Variants in ACACA observed in about 807,000 individuals in gnomAD.
ACACA encodes the protein acetyl-CoA carboxylase alpha.
Under a neutral mutation model 296.1 loss-of-function variants are expected in ACACA, and 103 were observed. The observed-to-expected ratio is 0.35, with a 90% CI of 0.30 to 0.41. ACACA has a LOEUF of 0.41. ACACA is among the 10% of genes least tolerant of loss of function. The pLI, the probability that ACACA is intolerant of heterozygous loss-of-function variation, is 1.00. For synonymous variants in ACACA, 953 were observed against 1,038.6 expected (o/e 0.92, Z 1.58); for missense variants, 1,554 against 2,989.7 (o/e 0.52, Z 11.20).
intron 1 of ACACA, chr17:37,388,905 T>G: frequency 1.4e-6 from 2 of 1,379,502 alleles, no homozygotes; most frequent in East Asian, 2.4e-5. Context: ...TTTGAGGAGA[T>G]GTGCCACTCA....
chr17:37,212,261 T>C (rs1251399826), intron 29 of ACACA, among the ~76,000 whole-genome samples: 1 of 152,184 alleles, frequency 6.6e-6, no homozygotes, highest in Non-Finnish European at 1.5e-5. Flanking sequence ...TCTAATCCCT[T>C]TGGGAGTCTT....
rs913044175 is a variant in ACACA at position 37,299,786 on chromosome 17, A to C, written c.339-14816T>G. 1.3e-5 allele frequency: 13 copies of C among 996,764 alleles called. No homozygotes were observed. In the East Asian group the frequency reaches 3.2e-4, roughly 24 times the overall value. 61.7% of individuals were successfully genotyped at this position (996,764 alleles called of 1,614,324 possible). ...GGCTGCCAGGAGCACATGACAGGGA[A>C]AGCCCAGGACAAAAAGACCAAATTT... On this transcript the variant is annotated intron_variant, in intron 3 of 55. Coordinates refer to ENST00000616317, the MANE Select transcript of ACACA (RefSeq NM_198834.3).
chr17:37,239,465 T>G (rs1237504309), intron 24 of ACACA, among the ~76,000 whole-genome samples: 2 of 152,198 alleles, frequency 1.3e-5, no homozygotes, highest in Non-Finnish European at 2.9e-5. Flanking sequence ...AGATAATGTT[T>G]TCAACGTTTT....
rs1323019427 is a variant in ACACA at position 37,322,780 on chromosome 17, A to T, written c.338+7393T>A. On this transcript the variant is annotated intron_variant, in intron 3 of 55. Coordinates refer to ENST00000616317, the MANE Select transcript of ACACA (RefSeq NM_198834.3). ...ACGTCTGGACACCGAGGGGAATTCA[A>T]CTCGGGGCCGTCAGAGAAGAGTCCG... 3.9e-5 allele frequency among the ~76,000 whole-genome samples: 6 copies of T among 152,092 alleles called. No homozygotes were observed. The South Asian group carries it at 6.2e-4, about 16-fold the overall frequency.
chr17:37,155,679 C>T lies in ACACA; in HGVS notation c.5447+4G>A. ...CCAAATTATTCCAATACATATATACCTACCTGGATTCTCCTTCATCTTCCA... is the reference window on the plus strand; with the variant it reads ...CCAAATTATTCCAATACATATATACTTACCTGGATTCTCCTTCATCTTCCA... On this transcript the variant is annotated splice_donor_region_variant and intron_variant, in intron 43 of 55. Transcript: ENST00000616317. 6.3e-7 allele frequency: 1 copy of T among 1,587,770 alleles called. No individual in the cohort carries two copies. Among genetic ancestry groups the T allele is most frequent in the South Asian group, 1.1e-5 (1 of 90,568 alleles).
In ACACA at chr17:37,301,746, C is replaced by A. The variant is rs762630411; in HGVS notation, c.339-16776G>T. On this transcript the variant is annotated intron_variant, in intron 3 of 55. Coordinates refer to ENST00000616317, the MANE Select transcript of ACACA (RefSeq NM_198834.3). ...TTTTGAAATCAGGTAGTATGAAGAC[C>A]TCCAACTTCACATTCCCTTTTCAAA... 4.9e-4 allele frequency among the ~76,000 whole-genome samples: 74 copies of A among 152,146 alleles called. 1 individual carries two copies. The highest frequency in any genetic ancestry group is 1.8e-4 in the Non-Finnish European group (12 of 68,038).
chr17:37,123,382 C>T (rs973455747), intron 48 of ACACA, among the ~76,000 whole-genome samples: 3 of 152,144 alleles, frequency 2.0e-5, no homozygotes, highest in Admixed American at 6.5e-5. Context: ...AGCCTCTGCA[C>T]CTTATACTCC....
At chr17:37,256,890 A>G (rs2081253176) in intron 14 of ACACA, among the ~76,000 whole-genome samples, 1 of 152,178 alleles carries the variant, frequency 6.6e-6, no homozygotes, top group South Asian at 2.1e-4. Flanking sequence ...TACTCCATGT[A>G]CAGTACAAAG....
intron 8 of ACACA, chr17:37,274,515 G>C (rs1242615588): frequency 1.3e-6 from 1 of 766,700 alleles, no homozygotes; most frequent in East Asian, 1.3e-4. Context: ...GCAAAAGCCA[G>C]CCGAACTAAC....
In ACACA at chr17:37,085,042, C is replaced by T. The variant is rs978212011; in HGVS notation, c.*2274G>A. ...TCAACAAAATGTGTAAAGAGTGCAT[C>T]TGAAGCTCCTGCTCATCACAGTATG... On this transcript the variant is annotated 3_prime_UTR_variant, in exon 56 of 56. Coordinates refer to ENST00000616317, the MANE Select transcript of ACACA (RefSeq NM_198834.3). The T allele has an allele frequency of 6.5e-6, 1 of 152,740 alleles. No homozygotes were observed. Among genetic ancestry groups the T allele is most frequent in the African/African-American group, 2.4e-5 (1 of 41,474 alleles). The allele number at this position is 152,740 out of a possible 1,614,324, so 9.5% of individuals were successfully genotyped here.
At chr17:37,134,857 G>T (rs2075267068) in intron 45 of ACACA, among the ~76,000 whole-genome samples, 1 of 152,182 alleles carries the variant, frequency 6.6e-6, no homozygotes, top group African/African-American at 2.4e-5. Flanking sequence ...CTTCATCCAT[G>T]ATTCTAGATA....
intron 38 of ACACA, among the ~76,000 whole-genome samples, chr17:37,189,813 C>G (rs2077676810): frequency 6.6e-6 from 1 of 152,100 alleles, no homozygotes; most frequent in East Asian, 1.9e-4. Flanking sequence ...AGCAACCCAT[C>G]ATTAGCTTGG....
Position 37,200,416 on chromosome 17 carries a change from CAT to C in ACACA, c.4113+9_4113+10del, listed in dbSNP as rs746877713. 3.1e-6 allele frequency: 5 copies of C among 1,603,470 alleles called. No individual in the cohort carries two copies. The African/African-American group carries it at 6.7e-5, about 21-fold the overall frequency. On this transcript the variant is annotated intron_variant, in intron 34 of 55. Coordinates refer to ENST00000616317, the MANE Select transcript of ACACA (RefSeq NM_198834.3). ...AGAAATATTAAAGAGGTACAATTCA[CAT>C]GTCAGTACCTTTTGTGCAACCAGGA...
chr17:37,325,394 C>T (rs2047561852), intron 3 of ACACA, among the ~76,000 whole-genome samples: 1 of 150,944 alleles, frequency 6.6e-6, no homozygotes. Flanking sequence ...CCACATTCAG[C>T]CTTTCTTCTT....
chr17:37,130,804 C>T (rs759017314), intron 45 of ACACA, among the ~76,000 whole-genome samples: 8 of 151,988 alleles, frequency 5.3e-5, no homozygotes, highest in Non-Finnish European at 1.0e-4. Flanking sequence ...AGGTAACATG[C>T]CTGTCTTTCA....
chr17:37,316,689 T>C (rs1377552409), intron 3 of ACACA, among the ~76,000 whole-genome samples: 1 of 152,154 alleles, frequency 6.6e-6, no homozygotes. Flanking sequence ...GCAATTCCAC[T>C]ACTGGGTATA....
chr17:37,275,881 A>G, intron 8 of ACACA, 70 bp downstream of exon 8: 1 of 1,320,892 alleles, frequency 7.6e-7, no homozygotes, highest in South Asian at 1.2e-5. Context: ...CTTTTTCAAA[A>G]GAGGTAAGTC....
At chr17:37,363,583 G>A (rs1478270044) in intron 1 of ACACA, among the ~76,000 whole-genome samples, 3 of 152,190 alleles carry the variant, frequency 2.0e-5, no homozygotes, top group East Asian at 1.9e-4. Flanking sequence ...GTGTGCCAGA[G>A]TCTCTGTTGA....
At chr17:37,121,790 T>C (rs577547672) in intron 49 of ACACA, among the ~76,000 whole-genome samples, 1 of 152,322 alleles carries the variant, frequency 6.6e-6, no homozygotes, top group South Asian at 2.1e-4. Context: ...AATGGCTCCA[T>C]TGTGCTACTC....
Sources: gnomAD v4.1 joint callset for allele counts (sites outside exome capture counted in the v4.1 genomes callset) on GRCh38, gnomAD v4.1.1 for gene constraint, MANE v1.5 for transcripts, NCBI Gene and HGNC (gene_info 2026-07-23, HGNC 2026-07-21) for gene names.